MIR2052HG: variants seen among roughly 807,000 people sequenced by gnomAD.
MIR2052HG encodes the protein MIR2052 host gene.
chr8:74,731,165 C>T (rs926748391), intron 4 of MIR2052HG, among the ~76,000 whole-genome samples: 3 of 152,128 alleles, frequency 2.0e-5, no homozygotes, highest in Middle Eastern at 3.2e-3. Flanking sequence ...ATGATGGTAG[C>T]GATAAAGGCC....
At chr8:74,750,919 A>T (rs1257807938) in intron 4 of MIR2052HG, among the ~76,000 whole-genome samples, 1 of 152,214 alleles carries the variant, frequency 6.6e-6, no homozygotes, top group African/African-American at 2.4e-5. Flanking sequence ...TATAGAGGGG[A>T]TGAAGGACAG....
intron 2 of MIR2052HG, among the ~76,000 whole-genome samples, chr8:74,672,148 A>G (rs1204321941): frequency 3.3e-5 from 5 of 152,126 alleles, no homozygotes; most frequent in Non-Finnish European, 7.4e-5. Flanking sequence ...ATCAAATAAT[A>G]TATTATACTT....
At chr8:74,710,061 G>A (rs1809451992) in intron 4 of MIR2052HG, among the ~76,000 whole-genome samples, 1 of 152,104 alleles carries the variant, frequency 6.6e-6, no homozygotes, top group African/African-American at 2.4e-5. Flanking sequence ...AATCCTCTAT[G>A]TTCATAATGA....
chr8:74,655,765 G>A (rs376014556), intron 2 of MIR2052HG, among the ~76,000 whole-genome samples: 5 of 152,172 alleles, frequency 3.3e-5, no homozygotes, highest in Admixed American at 3.3e-4. Context: ...GCATCATCTA[G>A]TGAAGCTGTG....
intron 4 of MIR2052HG, among the ~76,000 whole-genome samples, chr8:74,720,211 T>A (rs1267024225): frequency 1.3e-5 from 2 of 152,204 alleles, no homozygotes; most frequent in African/African-American, 2.4e-5. Context: ...TATCATTATT[T>A]CTTTTAACCC....
chr8:74,742,728 T>G (rs1809843402), intron 4 of MIR2052HG, among the ~76,000 whole-genome samples: 1 of 152,172 alleles, frequency 6.6e-6, no homozygotes, highest in East Asian at 1.9e-4. Context: ...CTCCCCAAAC[T>G]CTACCAAGTT....
intron 1 of MIR2052HG, among the ~76,000 whole-genome samples, chr8:74,611,891 A>G (rs1308348124): frequency 6.6e-6 from 1 of 152,204 alleles, no homozygotes; most frequent in Non-Finnish European, 1.5e-5. Flanking sequence ...TGTTTGCCTG[A>G]CTTGGGTGTG....
chr8:74,709,422 A>C (rs112237961), intron 4 of MIR2052HG, among the ~76,000 whole-genome samples: 6 of 152,160 alleles, frequency 3.9e-5, no homozygotes, highest in African/African-American at 1.2e-4. Flanking sequence ...AATAGACAAC[A>C]TCAGACCTTT....
chr8:74,681,683 C>T (rs1169235690), intron 2 of MIR2052HG, among the ~76,000 whole-genome samples: 1 of 151,984 alleles, frequency 6.6e-6, no homozygotes, highest in African/African-American at 2.4e-5. Flanking sequence ...ACAAGTTTGG[C>T]CCCCGTTTGC....
intron 4 of MIR2052HG, among the ~76,000 whole-genome samples, chr8:74,749,299 T>C (rs4735772): frequency 0.22 from 34,037 of 152,024 alleles, 3,915 homozygotes; most frequent in Middle Eastern, 0.31. Context: ...TTCTCTTTTA[T>C]GGCTGAAAGC....
intron 2 of MIR2052HG, among the ~76,000 whole-genome samples, chr8:74,622,774 A>G (rs1808381170): frequency 6.6e-6 from 1 of 152,154 alleles, no homozygotes; most frequent in South Asian, 2.1e-4. Flanking sequence ...AACGAGGCAC[A>G]CTGTTGGTGG....
chr8:74,664,353 T>C (rs1285604547), intron 2 of MIR2052HG, among the ~76,000 whole-genome samples: 2 of 152,114 alleles, frequency 1.3e-5, no homozygotes, highest in African/African-American at 2.4e-5. Flanking sequence ...GAGGATTTAG[T>C]AATAGATTTT....
intron 4 of MIR2052HG, among the ~76,000 whole-genome samples, chr8:74,717,459 G>A (rs1355128458): frequency 6.6e-6 from 1 of 151,964 alleles, no homozygotes; most frequent in African/African-American, 2.4e-5. Flanking sequence ...CAGTGCTTTT[G>A]CCATTACTTT....
chr8:74,689,780 C>A (rs1046051134), intron 2 of MIR2052HG, among the ~76,000 whole-genome samples: 5 of 152,134 alleles, frequency 3.3e-5, no homozygotes, highest in Admixed American at 1.3e-4. Flanking sequence ...ATTTGACAAA[C>A]GCTATGATTT....
At position 74,741,683 on chromosome 8, in the gene MIR2052HG, A is replaced by T. The variant is rs74662016; in HGVS notation, n.372-10758A>T. ...TTCATTAATACTGAACTCACGGCCA[A>T]CAGCAGTAGGACTCAAGCCTAAATG... On this transcript the variant is annotated intron_variant and non_coding_transcript_variant, in intron 4 of 6. Transcript: ENST00000523442. 1.9e-3 allele frequency among the ~76,000 whole-genome samples: 295 copies of T among 152,316 alleles called. 2 individuals carry two copies. The highest frequency in any genetic ancestry group is 6.3e-3 in the African/African-American group (260 of 41,576).
At chr8:74,683,586 A>G (rs996671834) in intron 2 of MIR2052HG, among the ~76,000 whole-genome samples, 7 of 152,130 alleles carry the variant, frequency 4.6e-5, no homozygotes, top group Admixed American at 1.3e-4. Flanking sequence ...TTAACCATCC[A>G]TGGAAGTAGA....
chr8:74,678,353 G>T (rs1269141575), intron 2 of MIR2052HG, among the ~76,000 whole-genome samples: 1 of 152,094 alleles, frequency 6.6e-6, no homozygotes, highest in Non-Finnish European at 1.5e-5. Flanking sequence ...GAGGTCAGGA[G>T]TTCGAGACCA....
At chr8:74,713,072 A>C (rs1016330550) in intron 4 of MIR2052HG, among the ~76,000 whole-genome samples, 2 of 152,200 alleles carry the variant, frequency 1.3e-5, no homozygotes, top group African/African-American at 2.4e-5. Flanking sequence ...AGCTGAGTCC[A>C]TGTTGAGGTT....
At chr8:74,616,730 T>C (rs1808287476) in intron 2 of MIR2052HG, among the ~76,000 whole-genome samples, 1 of 152,148 alleles carries the variant, frequency 6.6e-6, no homozygotes, top group Non-Finnish European at 1.5e-5. Context: ...TTTCTCTGCT[T>C]CTTTCCCTCG....
Sources: allele counts gnomAD v4.1 joint callset (sites outside exome capture counted in the v4.1 genomes callset), GRCh38; gene constraint gnomAD v4.1.1; transcripts MANE v1.5; gene names NCBI Gene and HGNC (gene_info 2026-07-23, HGNC 2026-07-21).